Variants in LYRM1 observed in about 807,000 individuals in gnomAD.
LYRM1 encodes the protein LYR motif-containing protein 1.
A neutral mutation model predicts 14.9 loss-of-function variants in LYRM1; 14 were observed. The observed-to-expected ratio is 0.94, with a 90% CI of 0.62 to 1.47. The LOEUF (loss-of-function observed/expected upper bound fraction) is 1.47. LYRM1 is among the 40% of genes most tolerant of loss of function. The pLI is 0.00. For missense variants in LYRM1, 153 were observed against 149.9 expected (o/e 1.02, Z -0.11); for synonymous variants, 43 against 56.2 (o/e 0.77, Z 1.05).
intron 1 of LYRM1, chr16:20,902,610 C>G (rs1368821319): frequency 6.6e-6 from 1 of 152,194 alleles, no homozygotes; most frequent in African/African-American, 2.4e-5. Flanking sequence ...TGAATCTCAT[C>G]CACCCGCTTG....
chr16:20,913,322 T>A (rs2082699768), intron 1 of LYRM1, among the ~76,000 whole-genome samples: 2 of 149,828 alleles, frequency 1.3e-5, no homozygotes, highest in African/African-American at 4.9e-5. Flanking sequence ...TCTTTGTTTT[T>A]TTTTTTTTTT....
At position 20,905,323 on chromosome 16, in the gene LYRM1, C is replaced by A. The variant is rs114454144; in HGVS notation, c.-1+4434C>A. Among the ~76,000 whole-genome samples the A allele has an allele frequency of 5.6e-3, 848 of 152,308 alleles. 11 individuals are homozygous for A. Among genetic ancestry groups the A allele is most frequent in the African/African-American group, 0.019 (805 of 41,566 alleles). ...CATTGTACATTCTAAGAAACCAAGT[C>A]TCAGGCAGTTAATAATTTGCCCAAT... On this transcript the variant is annotated intron_variant, in intron 1 of 3. Coordinates refer to ENST00000567954, the MANE Select transcript of LYRM1 (RefSeq NM_001128302.3).
At chr16:20,910,317 G>A (rs2082528288) in intron 1 of LYRM1, among the ~76,000 whole-genome samples, 1 of 152,222 alleles carries the variant, frequency 6.6e-6, no homozygotes, top group Admixed American at 6.5e-5. Flanking sequence ...GGTGAATACA[G>A]CTTTAGACCC....
At chr16:20,916,424 G>T (rs150572028) in intron 2 of LYRM1, among the ~76,000 whole-genome samples, 1 of 152,252 alleles carries the variant, frequency 6.6e-6, no homozygotes, top group Non-Finnish European at 1.5e-5. Context: ...TGATCTAATG[G>T]ATTCAGCGCG....
chr16:20,912,462 G>A (rs969693720), intron 1 of LYRM1, among the ~76,000 whole-genome samples: 6 of 151,554 alleles, frequency 4.0e-5, no homozygotes, highest in Admixed American at 6.6e-5. Flanking sequence ...TAGTAGAGAC[G>A]GGGTTTCACC....
chr16:20,909,245 G>T (rs2082466143), intron 1 of LYRM1, among the ~76,000 whole-genome samples: 1 of 152,140 alleles, frequency 6.6e-6, no homozygotes, highest in Admixed American at 6.6e-5. Context: ...GTATATCCCT[G>T]TGTTATAACA....
chr16:20,904,008 T>C (rs372913472), intron 1 of LYRM1, among the ~76,000 whole-genome samples: 17 of 152,146 alleles, frequency 1.1e-4, no homozygotes, highest in Non-Finnish European at 1.6e-4. Context: ...ATCTTTAGCA[T>C]TGGCCTTCAA....
chr16:20,901,542 G>A lies in LYRM1; in HGVS notation c.-1+653G>A, dbSNP rs544242883. Among the ~76,000 whole-genome samples, 23 of 152,346 alleles carry A rather than the reference G, an allele frequency of 1.5e-4. 1 individual carries two copies. In the East Asian group the frequency reaches 4.3e-3, roughly 28 times the overall value. On this transcript the variant is annotated intron_variant, in intron 1 of 3. Coordinates refer to ENST00000567954, the MANE Select transcript of LYRM1 (RefSeq NM_001128302.3). This position sits in a 1 kb window ranked among gnomAD's most constrained non-coding sequence, Gnocchi z 4.6. ...TCTGGGTGGAGAGAAGAGCCAATGA[G>A]AAGGACTTTTAGGTTGGAAACAGCC...
chr16:20,907,970 C>T lies in LYRM1; in HGVS notation c.-1+7081C>T, dbSNP rs115558398. Among the ~76,000 whole-genome samples, 1,191 of 152,264 alleles carry T rather than the reference C, an allele frequency of 7.8e-3. 25 individuals carry two copies. The highest frequency in any genetic ancestry group is 0.027 in the African/African-American group (1,121 of 41,534). On this transcript the variant is annotated intron_variant, in intron 1 of 3. Coordinates refer to ENST00000567954, the MANE Select transcript of LYRM1 (RefSeq NM_001128302.3). ...TTATTTATCACTGTATCCCCAGAAA[C>T]GGCAGGTGTCTGGCACATGGTGGAC...
At chr16:20,910,846 A>G (rs768065876) in intron 1 of LYRM1, among the ~76,000 whole-genome samples, 1 of 152,162 alleles carries the variant, frequency 6.6e-6, no homozygotes, top group Non-Finnish European at 1.5e-5. Context: ...ACTTTTCTCA[A>G]GTGTCTTGCA....
At chr16:20,906,428 G>A (rs1293742241) in intron 1 of LYRM1, among the ~76,000 whole-genome samples, 4 of 152,148 alleles carry the variant, frequency 2.6e-5, no homozygotes, top group African/African-American at 9.7e-5. Flanking sequence ...TAAAGTACTT[G>A]GGAGAGAAAT....
chr16:20,918,804 CACAG>C (rs1259354959), intron 2 of LYRM1, among the ~76,000 whole-genome samples: 1 of 152,186 alleles, frequency 6.6e-6, no homozygotes, highest in African/African-American at 2.4e-5. Context: ...TCTTTTCCAA[CACAG>C]ACAGCAAATC....
At chr16:20,919,009 T>C (rs2040967029) in intron 2 of LYRM1, among the ~76,000 whole-genome samples, 1 of 152,238 alleles carries the variant, frequency 6.6e-6, no homozygotes. Flanking sequence ...CTGGTGCTGA[T>C]GCAATCCTAG....
At chr16:20,920,092 T>C in intron 2 of LYRM1, 30 bp from the exon 3 acceptor site, 1 of 1,466,148 alleles carries the variant, frequency 6.8e-7, no homozygotes. Context: ...AAAGATACTA[T>C]CAGCCTCATT....
chr16:20,924,070 A>C lies in LYRM1; in HGVS notation c.323A>C (p.Lys108Thr). ...CTTCGAAGCCAAGAGAAACTGAGGA[A>C]ACTTTCCAAACCAGTATATCTCAGA... ...RGLRSQEKLR[K>T]LSKPVYLRSH... Residue 108 changes from lysine (K) to threonine (T), a missense_variant, in exon 4 of 4, where the codon AAA becomes ACA. Lys to Thr is a moderately conservative substitution (Grantham distance 78, BLOSUM62 -1). Coordinates refer to ENST00000567954, the MANE Select transcript of LYRM1 (RefSeq NM_001128302.3). 6.2e-7 allele frequency: 1 copy of C among 1,613,368 alleles called. No homozygotes were observed. The highest frequency in any genetic ancestry group is 8.5e-7 in the Non-Finnish European group (1 of 1,179,468).
At chr16:20,910,760 C>T (rs995407946) in intron 1 of LYRM1, among the ~76,000 whole-genome samples, 2 of 151,850 alleles carry the variant, frequency 1.3e-5, no homozygotes, top group African/African-American at 4.8e-5. Flanking sequence ...GGTGACAGAG[C>T]GAGACCCTGC....
chr16:20,920,440 G>A (rs1038497315), intron 3 of LYRM1: 5 of 493,772 alleles, frequency 1.0e-5, no homozygotes, highest in African/African-American at 9.9e-5. Flanking sequence ...CGTATGGAAG[G>A]GAAAACCAGC....
intron 1 of LYRM1, among the ~76,000 whole-genome samples, chr16:20,910,783 AAAC>A (rs1212839011): frequency 6.6e-5 from 10 of 152,232 alleles, no homozygotes; most frequent in Non-Finnish European, 8.8e-5. Context: ...CTAAAAAAAA[AAAC>A]AACAACAACA....
intron 2 of LYRM1, 125 bp downstream of exon 2, chr16:20,915,839 G>A: frequency 1.0e-6 from 1 of 1,004,886 alleles, no homozygotes; most frequent in Non-Finnish European, 1.4e-6. Context: ...CTTGGGGCAG[G>A]AAGGGGCCAG....
Sources: gnomAD v4.1 joint callset for allele counts (sites outside exome capture counted in the v4.1 genomes callset) on GRCh38, gnomAD v4.1.1 for gene constraint, Gnocchi (gnomAD v3.1) non-coding constraint, MANE v1.5 for transcripts, NCBI Gene and HGNC (gene_info 2026-07-23, HGNC 2026-07-21) for gene names.